The following RFX3 variants were observed in gnomAD, a reference collection of about 807,000 sequenced individuals.
RFX3 encodes transcription factor RFX3.
A neutral mutation model predicts 98.6 loss-of-function variants in RFX3; 14 were observed. The observed-to-expected ratio is 0.14, with a 90% CI of 0.09 to 0.22. RFX3 has a LOEUF of 0.22. Ranked by LOEUF, RFX3 falls within the 10% of genes least tolerant of loss-of-function variation. The probability of loss-of-function intolerance (pLI) is 1.00; values close to 1 mark genes in which losing one functional copy is unlikely to be tolerated. For synonymous variants in RFX3, 383 were observed against 328.4 expected, an observed-to-expected ratio of 1.17 and a Z score of -1.80; for missense variants, 639 against 926.9, an observed-to-expected ratio of 0.69 and a Z score of 4.03.
At chr9:3,491,172 T>A (rs1564169902) in intron 1 of RFX3, among the ~76,000 whole-genome samples, 1 of 152,094 alleles carries the variant, frequency 6.6e-6, no homozygotes, top group Non-Finnish European at 1.5e-5. Context: ...CACAGCTGAG[T>A]ATATATGAAT....
intron 2 of RFX3, among the ~76,000 whole-genome samples, chr9:3,348,131 C>T (rs1834658953): frequency 1.3e-5 from 2 of 152,132 alleles, no homozygotes; most frequent in East Asian, 1.9e-4. Context: ...CCGCCTATTA[C>T]TTATTCAAGA....
At chr9:3,414,064 A>G (rs963312461) in intron 1 of RFX3, among the ~76,000 whole-genome samples, 2 of 152,076 alleles carry the variant, frequency 1.3e-5, no homozygotes, top group South Asian at 2.1e-4. Context: ...AATTTTCACA[A>G]CAACCTTGTG....
chr9:3,320,811 A>G (rs547625180), intron 4 of RFX3, among the ~76,000 whole-genome samples: 279 of 119,294 alleles, frequency 2.3e-3, no homozygotes, highest in African/African-American at 8.6e-3. Context: ...ATATATATAT[A>G]GCCTCATTAT....
At chr9:3,236,001 C>A (rs1233268489) in intron 15 of RFX3, among the ~76,000 whole-genome samples, 4 of 152,028 alleles carry the variant, frequency 2.6e-5, no homozygotes, top group Non-Finnish European at 4.4e-5. Context: ...TGAGTGAAAC[C>A]ATATGACTTT....
intron 1 of RFX3, among the ~76,000 whole-genome samples, chr9:3,520,412 T>C (rs1818591365): frequency 6.6e-6 from 1 of 152,204 alleles, no homozygotes; most frequent in Non-Finnish European, 1.5e-5. Flanking sequence ...TTAAGGAAGG[T>C]ATCACTGTTT....
intron 2 of RFX3, among the ~76,000 whole-genome samples, chr9:3,387,638 T>C (rs537720939): frequency 4.0e-5 from 6 of 151,842 alleles, no homozygotes; most frequent in Non-Finnish European, 8.8e-5. Flanking sequence ...TTTTTTTTTT[T>C]CAAAAAGACA....
At chr9:3,394,883 G>A (rs970316635) in intron 2 of RFX3, 17 of 970,484 alleles carry the variant, frequency 1.8e-5, no homozygotes, top group Non-Finnish European at 1.7e-5. Flanking sequence ...ACTGCCCTGC[G>A]TATGAATAAG....
At chr9:3,309,384 C>A (rs1416334247) in intron 4 of RFX3, among the ~76,000 whole-genome samples, 1 of 152,136 alleles carries the variant, frequency 6.6e-6, no homozygotes, top group Non-Finnish European at 1.5e-5. Context: ...TGCAATAAAT[C>A]CGTGGCCTAA....
intron 1 of RFX3, among the ~76,000 whole-genome samples, chr9:3,442,486 G>T (rs920063121): frequency 1.3e-5 from 2 of 152,116 alleles, no homozygotes; most frequent in Admixed American, 6.6e-5. Flanking sequence ...AAGGATCAGA[G>T]CTAAGGAGAC....
chr9:3,414,047 A>C, intron 1 of RFX3, among the ~76,000 whole-genome samples: 1 of 152,104 alleles, frequency 6.6e-6, no homozygotes, highest in East Asian at 1.9e-4. Context: ...AATAAACTTA[A>C]TACTTTAATT....
At chr9:3,340,171 A>G (rs1010147966) in intron 3 of RFX3, among the ~76,000 whole-genome samples, 1 of 152,220 alleles carries the variant, frequency 6.6e-6, no homozygotes, top group African/African-American at 2.4e-5. Context: ...CCTATTTAAT[A>G]AATGGTGCTG....
At chr9:3,277,550 T>G in intron 7 of RFX3, 89 bp from the exon 8 acceptor site, 1 of 1,139,664 alleles carries the variant, frequency 8.8e-7, no homozygotes, top group Non-Finnish European at 1.3e-6. Context: ...TTCAGTTTTA[T>G]TCTATCTTCT....
intron 7 of RFX3, among the ~76,000 whole-genome samples, chr9:3,282,514 G>T (rs1212213768): frequency 6.6e-6 from 1 of 151,690 alleles, no homozygotes; most frequent in Non-Finnish European, 1.5e-5. Context: ...AGAGTTGTGG[G>T]TCATTCATTC....
At chr9:3,472,982 TG>T (rs1848912413) in intron 1 of RFX3, among the ~76,000 whole-genome samples, 1 of 152,208 alleles carries the variant, frequency 6.6e-6, no homozygotes, top group African/African-American at 2.4e-5. Context: ...AGATTAGCAA[TG>T]TGGTTAAAAA....
intron 15 of RFX3, among the ~76,000 whole-genome samples, chr9:3,242,625 C>A (rs117283875): frequency 1.3e-5 from 2 of 152,086 alleles, no homozygotes; most frequent in South Asian, 2.1e-4. Flanking sequence ...AAATGGAATT[C>A]TTTCACTGAG....
chr9:3,225,135 G>C lies in RFX3; in HGVS notation c.2157C>G (p.Ser719Arg). The C allele has an allele frequency of 1.2e-6, 2 of 1,613,970 alleles. No individual in the cohort carries two copies. Among genetic ancestry groups the C allele is most frequent in the Non-Finnish European group, 1.7e-6 (2 of 1,179,934 alleles). ...GCTCGCTGTGAATTGGATTCAGGAGGCTTGGTTGCACGCCAGTCTCGAGAA... is the reference window on the plus strand; with the variant it reads ...GCTCGCTGTGAATTGGATTCAGGAGCCTTGGTTGCACGCCAGTCTCGAGAA... ...QPVLETGVQPSLLNPIHSEHI... is the reference protein window; with the variant it reads ...QPVLETGVQPRLLNPIHSEHI... Residue 719 changes from serine to arginine, a missense_variant, in exon 17 of 17, where the codon AGC (serine) becomes AGG (arginine). Ser to Arg is a moderately radical substitution (Grantham distance 110, BLOSUM62 -1). Coordinates refer to ENST00000617270, the MANE Select transcript of RFX3 (RefSeq NM_001282116.2).
chr9:3,519,831 C>T (rs970227611), intron 1 of RFX3, among the ~76,000 whole-genome samples: 28 of 151,008 alleles, frequency 1.9e-4, no homozygotes, highest in Non-Finnish European at 1.9e-4. Context: ...GCATTTGATA[C>T]GAAATAAAAA....
At chr9:3,444,371 A>C (rs1276430998) in intron 1 of RFX3, among the ~76,000 whole-genome samples, 1 of 152,174 alleles carries the variant, frequency 6.6e-6, no homozygotes, top group Non-Finnish European at 1.5e-5. Context: ...AAACTAATAC[A>C]TAGTGACAGA....
intron 1 of RFX3, among the ~76,000 whole-genome samples, chr9:3,505,134 T>TA (rs1816804632): frequency 1.0e-5 from 1 of 99,706 alleles, no homozygotes; most frequent in African/African-American, 4.1e-5. Flanking sequence ...TATATTTATA[T>TA]TTATATATTA....
Sources: allele counts gnomAD v4.1 joint callset (sites outside exome capture counted in the v4.1 genomes callset), GRCh38; gene constraint gnomAD v4.1.1; transcripts MANE v1.5; gene names NCBI Gene and HGNC (gene_info 2026-07-23, HGNC 2026-07-21).